The following CCDC3 variants were observed in gnomAD, a reference collection of about 807,000 sequenced individuals.
CCDC3 encodes the protein coiled-coil domain containing 3, also known as coiled-coil domain-containing protein 3.
CCDC3 carries 24 observed loss-of-function variants against 21.4 expected under a neutral mutation model. The observed-to-expected ratio is 1.12, with a 90% CI of 0.81 to 1.58. The LOEUF (loss-of-function observed/expected upper bound fraction) is 1.58, where lower values mean the gene tolerates loss of function less well. Ranked by LOEUF, CCDC3 falls within the 40% of genes most tolerant of loss-of-function variation. The pLI is 0.00. For missense variants in CCDC3, 425 were observed against 360.9 expected, an observed-to-expected ratio of 1.18 and a Z score of -1.44; for synonymous variants, 186 against 166.0, an observed-to-expected ratio of 1.12 and a Z score of -0.93.
intron 2 of CCDC3, among the ~76,000 whole-genome samples, chr10:12,911,991 G>A (rs1391444747): frequency 6.6e-6 from 1 of 152,138 alleles, no homozygotes; most frequent in Non-Finnish European, 1.5e-5. Flanking sequence ...TTTTAAGGGT[G>A]CATAGTATTC....
chr10:13,084,634 C>T (rs925078565), intron 3 of CCDC3, among the ~76,000 whole-genome samples: 4 of 152,164 alleles, frequency 2.6e-5, no homozygotes, highest in Admixed American at 6.5e-5. Flanking sequence ...ACTGTGGACT[C>T]ACCCTGAATT....
chr10:12,980,891 T>A (rs1054534159), intron 2 of CCDC3, among the ~76,000 whole-genome samples: 2 of 152,110 alleles, frequency 1.3e-5, no homozygotes, highest in East Asian at 3.9e-4. Context: ...TGCAAGACTC[T>A]CGGCACACTT....
At chr10:12,964,128 T>G (rs1038979022) in intron 2 of CCDC3, among the ~76,000 whole-genome samples, 2 of 152,020 alleles carry the variant, frequency 1.3e-5, no homozygotes, top group Non-Finnish European at 2.9e-5. Context: ...ATTCCAACAC[T>G]TTGGGAGGGT....
intron 5 of CCDC3, among the ~76,000 whole-genome samples, chr10:13,014,101 A>G (rs1836018862): frequency 6.6e-6 from 1 of 151,958 alleles, no homozygotes; most frequent in Admixed American, 6.6e-5. Context: ...CAGTGAGCCG[A>G]GATCACGCCA....
intron 2 of CCDC3, among the ~76,000 whole-genome samples, chr10:12,954,118 T>G (rs1364225629): frequency 1.3e-5 from 2 of 152,176 alleles, no homozygotes; most frequent in African/African-American, 4.8e-5. Context: ...CAAAAACAGG[T>G]ACCAGGCCAG....
intron 2 of CCDC3, among the ~76,000 whole-genome samples, chr10:12,900,615 T>C (rs1588996137): frequency 7.7e-6 from 1 of 129,392 alleles, no homozygotes; most frequent in Non-Finnish European, 1.6e-5. Context: ...GGCGTGAACC[T>C]GGGAGGCGGA....
rs1834212282 is a variant in CCDC3, at chr10:12,908,495, G to C, written c.550-9816C>G. ...TTTATCTAGTCTGTGATACAAAGAA[G>C]CCTGGGAAACACTAGGTCATGGAAT... is the stretch of plus-strand genomic sequence containing the variant. On this transcript the variant is annotated intron_variant, in intron 2 of 2. Transcript: ENST00000378825. Among the ~76,000 whole-genome samples, 3 of 152,214 alleles carry C rather than the reference G, an allele frequency of 2.0e-5. No homozygotes were observed. In the South Asian group the frequency reaches 6.2e-4, roughly 32 times the overall value.
intron 2 of CCDC3, among the ~76,000 whole-genome samples, chr10:12,914,728 G>A (rs7922065): frequency 0.22 from 33,061 of 151,974 alleles, 4,166 homozygotes; most frequent in African/African-American, 0.34. Context: ...ACAGGTGTGC[G>A]TGAGCCACCA....
At chr10:12,937,951 A>C (rs1834766553) in intron 2 of CCDC3, among the ~76,000 whole-genome samples, 1 of 152,052 alleles carries the variant, frequency 6.6e-6, no homozygotes, top group South Asian at 2.1e-4. Flanking sequence ...CGTGGCCCTT[A>C]TCCAATTTTC....
At chr10:13,097,111 C>A (rs1225230664) in intron 3 of CCDC3, among the ~76,000 whole-genome samples, 2 of 152,172 alleles carry the variant, frequency 1.3e-5, no homozygotes, top group Non-Finnish European at 2.9e-5. Flanking sequence ...GAACATCAAA[C>A]CCAGATTAGG....
chr10:12,969,267 AC>A (rs1400346605), intron 2 of CCDC3, among the ~76,000 whole-genome samples: 1 of 152,164 alleles, frequency 6.6e-6, no homozygotes, highest in Non-Finnish European at 1.5e-5. Context: ...GTCATCTCAC[AC>A]CTGTTAGAAT....
chr10:13,047,027 C>T (rs12783167), intron 5 of CCDC3, among the ~76,000 whole-genome samples: 35,909 of 151,758 alleles, frequency 0.24, 5,397 homozygotes, highest in Non-Finnish European at 0.33. Flanking sequence ...GCAATGCACC[C>T]TAGTAAGATG....
intron 5 of CCDC3, among the ~76,000 whole-genome samples, chr10:13,035,184 T>C (rs1243230144): frequency 6.6e-6 from 1 of 152,070 alleles, no homozygotes; most frequent in Admixed American, 6.6e-5. Flanking sequence ...GCCAGAGGCT[T>C]TCCTAGGTGG....
At chr10:13,015,230 TA>T (rs1361720407) in intron 5 of CCDC3, among the ~76,000 whole-genome samples, 1 of 152,102 alleles carries the variant, frequency 6.6e-6, no homozygotes, top group Non-Finnish European at 1.5e-5. Context: ...TAAAAGATTT[TA>T]AAAGGACCTG....
chr10:12,945,442 A>G (rs1834901237), intron 2 of CCDC3, among the ~76,000 whole-genome samples: 1 of 152,134 alleles, frequency 6.6e-6, no homozygotes, highest in Non-Finnish European at 1.5e-5. Flanking sequence ...GAATGGATAT[A>G]AGAAAACTGT....
At chr10:13,095,135 C>T (rs896582734) in intron 3 of CCDC3, among the ~76,000 whole-genome samples, 1 of 56,608 alleles carries the variant, frequency 1.8e-5, no homozygotes, top group African/African-American at 4.1e-5. Flanking sequence ...GTTTGAGTCT[C>T]TGTTTTCAGT....
intron 5 of CCDC3, among the ~76,000 whole-genome samples, chr10:13,045,298 A>C (rs568594184): frequency 6.6e-5 from 10 of 152,332 alleles, no homozygotes; most frequent in Admixed American, 1.3e-4. Context: ...CTGAATTACC[A>C]TTATAGGTAG....
chr10:13,051,193 C>G (rs1228947507), intron 4 of CCDC3, among the ~76,000 whole-genome samples: 1 of 152,142 alleles, frequency 6.6e-6, no homozygotes, highest in African/African-American at 2.4e-5. Flanking sequence ...CCGACTTACT[C>G]TATTCTATCT....
At chr10:12,977,051 A>T (rs1266604153) in intron 2 of CCDC3, among the ~76,000 whole-genome samples, 2 of 152,218 alleles carry the variant, frequency 1.3e-5, no homozygotes, top group Admixed American at 1.3e-4. Flanking sequence ...AGGTGGGCAG[A>T]TCACTTGAGG....
Sources: gnomAD v4.1 joint callset for allele counts (sites outside exome capture counted in the v4.1 genomes callset) on GRCh38, gnomAD v4.1.1 for gene constraint, MANE v1.5 for transcripts, NCBI Gene and HGNC (gene_info 2026-07-23, HGNC 2026-07-21) for gene names.